Variants in PCDH9 observed in about 807,000 individuals in gnomAD.
The protein encoded by PCDH9 is protocadherin 9.
In PCDH9, 24 loss-of-function variants were observed where a neutral mutation model predicts 70.6. The ratio of observed to expected loss-of-function variants is 0.34; its 90% CI spans 0.25 to 0.48. PCDH9 has a LOEUF of 0.48. Ranked by LOEUF, PCDH9 falls within the 20% of genes least tolerant of loss-of-function variation. The pLI, the probability that PCDH9 is intolerant of heterozygous loss-of-function variation, is 0.99. For missense variants in PCDH9, 1,281 were observed against 1,503.6 expected, an observed-to-expected ratio of 0.85 and a Z score of 2.45; for synonymous variants, 562 against 558.5, an observed-to-expected ratio of 1.01 and a Z score of -0.09.
At chr13:66,659,891 A>T (rs1441198170) in intron 3 of PCDH9, among the ~76,000 whole-genome samples, 3 of 152,184 alleles carry the variant, frequency 2.0e-5, no homozygotes, top group African/African-American at 7.2e-5. Context: ...AGTTAACAGC[A>T]GAGTCAAGGA....
intron 2 of PCDH9, among the ~76,000 whole-genome samples, chr13:66,932,775 A>G (rs2082837909): frequency 1.3e-5 from 2 of 150,612 alleles, no homozygotes; most frequent in South Asian, 4.2e-4. Context: ...CTTTTAACTT[A>G]TACATTACAA....
intron 2 of PCDH9, among the ~76,000 whole-genome samples, chr13:67,188,085 G>T (rs1214780063): frequency 6.6e-6 from 1 of 152,026 alleles, no homozygotes; most frequent in East Asian, 1.9e-4. Context: ...GAAATATACA[G>T]TAATAAAACC....
At chr13:66,745,983 T>C (rs1218773860) in intron 3 of PCDH9, among the ~76,000 whole-genome samples, 1 of 152,190 alleles carries the variant, frequency 6.6e-6, no homozygotes, top group Non-Finnish European at 1.5e-5. Context: ...TTCCCCAACA[T>C]GTGTATTGAG....
intron 3 of PCDH9, among the ~76,000 whole-genome samples, chr13:66,849,515 TATAGAGAGAG>T (rs2081278040): frequency 2.8e-5 from 2 of 72,522 alleles, no homozygotes; most frequent in South Asian, 1.2e-3. Flanking sequence ...TATATATATA[TATAGAGAGAG>T]AGAGAGAGAG....
chr13:67,136,151 G>A (rs937546423), intron 2 of PCDH9, among the ~76,000 whole-genome samples: 1 of 152,048 alleles, frequency 6.6e-6, no homozygotes, highest in Admixed American at 6.6e-5. Context: ...GTTTAGATGG[G>A]TTTAGATACA....
At chr13:67,068,919 T>C (rs1212224773) in intron 2 of PCDH9, among the ~76,000 whole-genome samples, 1 of 152,180 alleles carries the variant, frequency 6.6e-6, no homozygotes, top group African/African-American at 2.4e-5. Context: ...AGTTATTAAA[T>C]ACAAAATGTA....
At chr13:66,979,621 T>C (rs942515691) in intron 2 of PCDH9, among the ~76,000 whole-genome samples, 1 of 152,150 alleles carries the variant, frequency 6.6e-6, no homozygotes, top group African/African-American at 2.4e-5. Context: ...AACAGCCAAA[T>C]CCACATCTCC....
chr13:67,047,844 C>T (rs989069538), intron 2 of PCDH9, among the ~76,000 whole-genome samples: 6 of 152,090 alleles, frequency 3.9e-5, no homozygotes, highest in Non-Finnish European at 8.8e-5. Context: ...GATTTAAGGA[C>T]CCACATGAAT....
intron 4 of PCDH9, among the ~76,000 whole-genome samples, chr13:66,362,428 A>C (rs375460492): frequency 1.3e-5 from 2 of 152,176 alleles, no homozygotes; most frequent in Non-Finnish European, 2.9e-5. Flanking sequence ...TTTTATGGGA[A>C]GATCCCAACA....
intron 3 of PCDH9, among the ~76,000 whole-genome samples, chr13:66,717,466 AAAAAAAAAAAAAAAATATATATAT>A (rs1469240099): frequency 1.1e-4 from 4 of 35,872 alleles, no homozygotes; most frequent in Non-Finnish European, 1.2e-4. Context: ...AAAAAAAAAA[AAAAAAAAAAAAAAAATATATATAT>A]ATATATATAT....
chr13:66,611,707 G>T (rs1169763954), intron 4 of PCDH9, among the ~76,000 whole-genome samples: 3 of 152,158 alleles, frequency 2.0e-5, no homozygotes, highest in African/African-American at 7.2e-5. Flanking sequence ...GGGAAGACTG[G>T]TCTAATATTT....
chr13:66,613,087 C>T (rs1321970779), intron 4 of PCDH9, among the ~76,000 whole-genome samples: 2 of 152,112 alleles, frequency 1.3e-5, no homozygotes, highest in Non-Finnish European at 2.9e-5. Context: ...CCACCCCAGT[C>T]GCTCCTGGGC....
At chr13:67,131,781 C>T (rs930673928) in intron 2 of PCDH9, among the ~76,000 whole-genome samples, 9 of 152,242 alleles carry the variant, frequency 5.9e-5, no homozygotes, top group South Asian at 2.1e-4. Context: ...CAATTACAAT[C>T]GGCAGCACAT....
At chr13:66,848,524 T>C (rs780352637) in intron 3 of PCDH9, among the ~76,000 whole-genome samples, 47 of 152,210 alleles carry the variant, frequency 3.1e-4, no homozygotes, top group Non-Finnish European at 6.3e-4. Context: ...ATCCACACTC[T>C]GTCACTAATG....
At chr13:66,349,782 A>G (rs1379906389) in intron 4 of PCDH9, among the ~76,000 whole-genome samples, 1 of 152,152 alleles carries the variant, frequency 6.6e-6, no homozygotes, top group Non-Finnish European at 1.5e-5. Context: ...GAGCTAAGAG[A>G]ACGGAGCTCG....
At chr13:66,673,506 A>T (rs1057289544) in intron 3 of PCDH9, among the ~76,000 whole-genome samples, 5 of 152,174 alleles carry the variant, frequency 3.3e-5, no homozygotes, top group African/African-American at 1.2e-4. Context: ...CACAGAAGGA[A>T]GATGATATGA....
At chr13:66,757,312 C>G (rs967731115) in intron 3 of PCDH9, among the ~76,000 whole-genome samples, 1 of 152,126 alleles carries the variant, frequency 6.6e-6, no homozygotes, top group African/African-American at 2.4e-5. Context: ...TCATTTGGAC[C>G]ATTACTTTAT....
At chr13:67,077,040 T>A (rs1181152281) in intron 2 of PCDH9, among the ~76,000 whole-genome samples, 1 of 152,210 alleles carries the variant, frequency 6.6e-6, no homozygotes, top group African/African-American at 2.4e-5. Context: ...GCCTTGTTTC[T>A]GAACTTGCTC....
chr13:66,815,691 A>G (rs1172412593), intron 3 of PCDH9, among the ~76,000 whole-genome samples: 2 of 152,212 alleles, frequency 1.3e-5, no homozygotes, highest in Non-Finnish European at 2.9e-5. Flanking sequence ...GTTCTCACTT[A>G]TAAGTGGGAG....
Sources: gnomAD v4.1 joint callset for allele counts (sites outside exome capture counted in the v4.1 genomes callset) on GRCh38, gnomAD v4.1.1 for gene constraint, MANE v1.5 for transcripts, NCBI Gene and HGNC (gene_info 2026-07-23, HGNC 2026-07-21) for gene names.